Variants in SEMA6D observed in about 807,000 individuals in gnomAD.
The protein encoded by SEMA6D is semaphorin-6D.
Under a neutral mutation model 106.6 loss-of-function variants are expected in SEMA6D, and 35 were observed. The observed-to-expected ratio is 0.33, with a 90% CI of 0.25 to 0.44. The LOEUF (loss-of-function observed/expected upper bound fraction) is 0.44, where lower values mean the gene tolerates loss of function less well. SEMA6D is among the 20% of genes least tolerant of loss of function. The pLI is 1.00. For missense variants in SEMA6D, 1,185 were observed against 1,345.9 expected (o/e 0.88, Z 1.87); for synonymous variants, 499 against 487.7 (o/e 1.02, Z -0.31).
chr15:47,313,937 G>C (rs1239676050), intron 1 of SEMA6D, among the ~76,000 whole-genome samples: 1 of 152,170 alleles, frequency 6.6e-6, no homozygotes, highest in Non-Finnish European at 1.5e-5. Flanking sequence ...TAAGTTTTCA[G>C]CTCTTTTGGG....
intron 1 of SEMA6D, among the ~76,000 whole-genome samples, chr15:47,748,766 T>A (rs1354072519): frequency 6.6e-6 from 1 of 152,214 alleles, no homozygotes; most frequent in Non-Finnish European, 1.5e-5. Context: ...ATTTAGACTT[T>A]ACACATAGGC....
At chr15:47,238,645 T>C (rs2032709907) in intron 1 of SEMA6D, among the ~76,000 whole-genome samples, 1 of 152,080 alleles carries the variant, frequency 6.6e-6, no homozygotes, top group South Asian at 2.1e-4. Flanking sequence ...AAGTGAAAAG[T>C]TAAAGGACGT....
At chr15:47,340,776 C>G (rs187540938) in intron 1 of SEMA6D, among the ~76,000 whole-genome samples, 1 of 152,076 alleles carries the variant, frequency 6.6e-6, no homozygotes, top group African/African-American at 2.4e-5. Context: ...AGTACTGATT[C>G]GAATAGATAG....
chr15:47,210,353 C>T (rs1036668973), intron 1 of SEMA6D, among the ~76,000 whole-genome samples: 1 of 152,090 alleles, frequency 6.6e-6, no homozygotes, highest in East Asian at 1.9e-4. Flanking sequence ...TATATGACCT[C>T]CCTTTCTTAG....
rs866183028 is a variant in SEMA6D at position 47,532,774 on chromosome 15, T to C, written c.-87+62229T>C. Among the ~76,000 whole-genome samples the C allele has an allele frequency of 2.5e-4, 38 of 152,340 alleles. 1 individual carries two copies. In the South Asian group the frequency reaches 4.3e-3, roughly 17 times the overall value. On this transcript the variant is annotated intron_variant, in intron 3 of 19. Coordinates refer to the SEMA6D transcript ENST00000558014. ...ATATTGACTAAGTATCTCAGTTTCA[T>C]TGAAATCTTTCATTTAGCTGAATAT...
intron 1 of SEMA6D, among the ~76,000 whole-genome samples, chr15:47,356,998 C>T (rs2038599085): frequency 6.6e-6 from 1 of 152,040 alleles, no homozygotes. Flanking sequence ...ATCTTCAATT[C>T]CTCTCTATTT....
chr15:47,360,274 T>C (rs939792605), intron 1 of SEMA6D, among the ~76,000 whole-genome samples: 1 of 152,236 alleles, frequency 6.6e-6, no homozygotes, highest in South Asian at 2.1e-4. Flanking sequence ...GTTTGTATCA[T>C]TCTTCAGTTC....
intron 1 of SEMA6D, among the ~76,000 whole-genome samples, chr15:47,254,331 G>GTGTGTATATA (rs33925888): frequency 1.4e-5 from 2 of 139,264 alleles, no homozygotes; most frequent in African/African-American, 5.2e-5. Flanking sequence ...GTGTGTGTGT[G>GTGTGTATATA]TATATATATA....
At chr15:47,221,731 T>G (rs1472025665) in intron 1 of SEMA6D, among the ~76,000 whole-genome samples, 1 of 152,184 alleles carries the variant, frequency 6.6e-6, no homozygotes, top group Non-Finnish European at 1.5e-5. Context: ...TTTGTAGACA[T>G]CTTGAAATAC....
intron 4 of SEMA6D, among the ~76,000 whole-genome samples, chr15:47,687,609 A>G (rs2078497163): frequency 6.6e-6 from 1 of 152,238 alleles, no homozygotes; most frequent in Non-Finnish European, 1.5e-5. Flanking sequence ...CCCACTGAGC[A>G]GTTCAAGCGG....
intron 3 of SEMA6D, among the ~76,000 whole-genome samples, chr15:47,473,493 T>A (rs1422859570): frequency 6.6e-6 from 1 of 152,130 alleles, no homozygotes; most frequent in Non-Finnish European, 1.5e-5. Context: ...CATTACACAC[T>A]CTGAAAGAAA....
rs112131434 is a variant in SEMA6D at position 47,574,007 on chromosome 15, T to C, written c.-86-26858T>C. Among the ~76,000 whole-genome samples the C allele has an allele frequency of 7.9e-3, 1,206 of 152,326 alleles. 10 individuals are homozygous for C. The highest frequency in any genetic ancestry group is 0.028 in the African/African-American group (1,149 of 41,582). Reference sequence around the variant, plus strand: ...CTGGGCTGTTCCTTCCACAAGACTTTGATTTCCCACAGAGTATGCCATTTT... The same window carrying C: ...CTGGGCTGTTCCTTCCACAAGACTTCGATTTCCCACAGAGTATGCCATTTT... On this transcript the variant is annotated intron_variant, in intron 3 of 19. Coordinates refer to the SEMA6D transcript ENST00000558014.
intron 1 of SEMA6D, among the ~76,000 whole-genome samples, chr15:47,254,909 G>GTGTT (rs1555411208): frequency 6.6e-6 from 1 of 151,486 alleles, no homozygotes. Flanking sequence ...GTGTGTGTGT[G>GTGTT]TGTGTGTCCT....
chr15:47,402,822 C>T (rs992676410), intron 1 of SEMA6D, among the ~76,000 whole-genome samples: 2 of 148,468 alleles, frequency 1.3e-5, no homozygotes, highest in Middle Eastern at 3.4e-3. Context: ...TAAGGAAAAG[C>T]GTCAATAAAT....
intron 3 of SEMA6D, among the ~76,000 whole-genome samples, chr15:47,553,119 G>A (rs1255338777): frequency 2.0e-5 from 3 of 150,658 alleles, no homozygotes; most frequent in African/African-American, 4.9e-5. Context: ...GGCCAGGCTG[G>A]TCTCAAACTC....
intron 3 of SEMA6D, among the ~76,000 whole-genome samples, chr15:47,484,058 C>T (rs2043225756): frequency 6.6e-6 from 1 of 152,174 alleles, no homozygotes; most frequent in African/African-American, 2.4e-5. Context: ...CTGCAGGTTG[C>T]CTGCTTTACT....
Position 47,316,911 on chromosome 15 carries a change from A to G in SEMA6D, c.-238-95482A>G, listed in dbSNP as rs2036706130. Among the ~76,000 whole-genome samples, 3 of 152,282 alleles carry G rather than the reference A, an allele frequency of 2.0e-5. No individual in the cohort carries two copies. The South Asian group carries it at 6.2e-4, about 32-fold the overall frequency. ...AACATCTTCGGTTTGGGGACAAAGG[A>G]TAATGCTGGCCTCATATAACATGTT... On this transcript the variant is annotated intron_variant, in intron 1 of 19. Transcript: ENST00000558014.
chr15:47,572,648 A>G (rs2076082450), intron 3 of SEMA6D, among the ~76,000 whole-genome samples: 1 of 152,224 alleles, frequency 6.6e-6, no homozygotes, highest in Non-Finnish European at 1.5e-5. Context: ...ATTCTCACAC[A>G]TATACACGCA....
intron 1 of SEMA6D, among the ~76,000 whole-genome samples, chr15:47,383,792 C>G (rs1057065048): frequency 2.6e-5 from 4 of 152,196 alleles, no homozygotes; most frequent in African/African-American, 9.6e-5. Context: ...GACTGGCACT[C>G]AGACTCTGCT....
Sources: allele counts gnomAD v4.1 joint callset (sites outside exome capture counted in the v4.1 genomes callset), GRCh38; gene constraint gnomAD v4.1.1; transcripts MANE v1.5; gene names NCBI Gene and HGNC (gene_info 2026-07-23, HGNC 2026-07-21).